The following NAV3 variants were observed in gnomAD, a reference collection of about 807,000 sequenced individuals.
The protein encoded by NAV3 is neuron navigator 3.
A neutral mutation model predicts 244.7 loss-of-function variants in NAV3; 87 were observed. That is an observed-to-expected ratio of 0.36 (90% CI 0.30 to 0.42). NAV3 has a LOEUF of 0.42. NAV3 is among the 20% of genes least tolerant of loss of function. The pLI is 1.00. For missense variants in NAV3, 2,663 were observed against 2,893.3 expected (o/e 0.92, Z 1.83); for synonymous variants, 1,126 against 1,042.2 (o/e 1.08, Z -1.55).
chr12:77,625,318 C>T (rs1435854554), intron 2 of NAV3, among the ~76,000 whole-genome samples: 2 of 151,748 alleles, frequency 1.3e-5, no homozygotes, highest in Non-Finnish European at 2.9e-5. Flanking sequence ...ACTTTATGAA[C>T]CCTGAATATG....
At chr12:78,075,429 T>C (rs1952997022) in intron 12 of NAV3, among the ~76,000 whole-genome samples, 1 of 152,070 alleles carries the variant, frequency 6.6e-6, no homozygotes, top group Non-Finnish European at 1.5e-5. Flanking sequence ...AAAAAAAGTA[T>C]GTATTGTTTG....
intron 9 of NAV3, among the ~76,000 whole-genome samples, chr12:78,035,295 T>A (rs542220081): frequency 6.6e-6 from 1 of 152,312 alleles, no homozygotes; most frequent in African/African-American, 2.4e-5. Flanking sequence ...TTCCCTCATT[T>A]GATAAAGGAG....
chr12:77,925,387 T>C (rs1888096576), intron 1 of NAV3, among the ~76,000 whole-genome samples: 1 of 152,208 alleles, frequency 6.6e-6, no homozygotes, highest in Non-Finnish European at 1.5e-5. Context: ...TAGTGAGCAG[T>C]CTGCATGTTT....
At chr12:78,135,556 T>C (rs993806377) in intron 18 of NAV3, among the ~76,000 whole-genome samples, 3 of 152,206 alleles carry the variant, frequency 2.0e-5, no homozygotes, top group African/African-American at 7.2e-5. Flanking sequence ...CCTAACCCTA[T>C]AGATACGTAT....
chr12:78,066,057 G>A (rs1300603882), intron 12 of NAV3, among the ~76,000 whole-genome samples: 4 of 152,018 alleles, frequency 2.6e-5, no homozygotes, highest in Admixed American at 2.6e-4. Context: ...CACAAGAGTG[G>A]AGCTCTCATG....
chr12:77,827,236 C>CAAA (rs10615824), upstream of NAV3, among the ~76,000 whole-genome samples: 42 of 68,538 alleles, frequency 6.1e-4, no homozygotes, highest in African/African-American at 1.9e-3. Flanking sequence ...ACTCTGTCTC[C>CAAA]AAAAAAAAAA....
At chr12:77,583,634 A>T (rs773649276) in intron 2 of NAV3, among the ~76,000 whole-genome samples, 8 of 152,218 alleles carry the variant, frequency 5.3e-5, no homozygotes, top group Non-Finnish European at 1.2e-4. Context: ...AATTTCTTCC[A>T]TATCCATCAT....
intron 2 of NAV3, among the ~76,000 whole-genome samples, chr12:77,822,467 T>C (rs1872784897): frequency 1.3e-5 from 2 of 152,142 alleles, no homozygotes; most frequent in African/African-American, 2.4e-5. Context: ...TAATACTTCT[T>C]TATGCATCCA....
At chr12:77,869,613 A>G (rs929410356) in intron 1 of NAV3, among the ~76,000 whole-genome samples, 2 of 152,140 alleles carry the variant, frequency 1.3e-5, no homozygotes, top group Admixed American at 1.3e-4. Flanking sequence ...TCCAGACCTC[A>G]GTTCAAGCTT....
At chr12:78,124,013 G>A (rs2138743533) in intron 16 of NAV3, among the ~76,000 whole-genome samples, 1 of 152,278 alleles carries the variant, frequency 6.6e-6, no homozygotes, top group African/African-American at 2.4e-5. Flanking sequence ...ATGCTCATAT[G>A]TAAGGATTCT....
chr12:77,869,070 A>G (rs963582515), intron 1 of NAV3, among the ~76,000 whole-genome samples: 2 of 149,352 alleles, frequency 1.3e-5, no homozygotes, highest in African/African-American at 5.0e-5. Flanking sequence ...AACAAACAAA[A>G]CTTTAGAATG....
Position 78,117,931 on chromosome 12 carries a change from GATTT to G in NAV3, c.2770-93_2770-90del, listed in dbSNP as rs1288567696. 5 of 1,192,394 alleles carry G rather than the reference GATTT, an allele frequency of 4.2e-6. No homozygotes were observed. The African/African-American group carries it at 7.7e-5, about 18-fold the overall frequency. 73.9% of individuals were successfully genotyped at this position (1,192,394 alleles called of 1,614,324 possible). A position where few individuals can be genotyped will look rare whatever the true frequency, so the allele number is the denominator to read the frequency against. ...AAGGTAAATCAAAATAGAATCTTTG[GATTT>G]ATCCAGTTATCTGAAAGTACATTTC... On this transcript the variant is annotated intron_variant, in intron 13 of 39. Coordinates refer to ENST00000397909, the MANE Select transcript of NAV3 (RefSeq NM_001024383.2).
At chr12:77,906,139 C>T (rs566149270) in intron 1 of NAV3, among the ~76,000 whole-genome samples, 2 of 152,140 alleles carry the variant, frequency 1.3e-5, no homozygotes, top group East Asian at 3.9e-4. Flanking sequence ...TTGCCGCAAA[C>T]TTGCAAAGAA....
chr12:77,827,260 A>AAAAAAAAAC (rs1474559232), upstream of NAV3, among the ~76,000 whole-genome samples: 2 of 134,292 alleles, frequency 1.5e-5, no homozygotes, highest in African/African-American at 2.5e-5. Flanking sequence ...AAAAAAAAAA[A>AAAAAAAAAC]AGTAATGTGG....
At chr12:77,693,513 G>A (rs182243928) in intron 2 of NAV3, among the ~76,000 whole-genome samples, 2 of 151,974 alleles carry the variant, frequency 1.3e-5, no homozygotes, top group Admixed American at 6.6e-5. Context: ...CCTAGATTGA[G>A]GTTTATTTTA....
At chr12:77,634,052 A>G (rs1196334700) in intron 2 of NAV3, among the ~76,000 whole-genome samples, 1 of 152,056 alleles carries the variant, frequency 6.6e-6, no homozygotes, top group African/African-American at 2.4e-5. Flanking sequence ...AAGTAAATGG[A>G]ATATTTCTAT....
intron 5 of NAV3, among the ~76,000 whole-genome samples, chr12:77,971,645 A>G (rs1893006169): frequency 6.6e-6 from 1 of 152,136 alleles, no homozygotes; most frequent in Admixed American, 6.6e-5. Context: ...AAAAATTCCT[A>G]GTGACAAATT....
chr12:77,817,679 CT>C (rs1872574232), intron 2 of NAV3, among the ~76,000 whole-genome samples: 1 of 151,848 alleles, frequency 6.6e-6, no homozygotes. Context: ...AATTTTGTGG[CT>C]TTTTAAAATT....
At chr12:77,793,294 T>C (rs1871264470) in intron 2 of NAV3, among the ~76,000 whole-genome samples, 1 of 152,028 alleles carries the variant, frequency 6.6e-6, no homozygotes. Flanking sequence ...GGTAAGTATT[T>C]CTCTATTTTA....
Sources: gnomAD v4.1 joint callset for allele counts (sites outside exome capture counted in the v4.1 genomes callset) on GRCh38, gnomAD v4.1.1 for gene constraint, MANE v1.5 for transcripts, NCBI Gene and HGNC (gene_info 2026-07-23, HGNC 2026-07-21) for gene names.